Variants in AHSG observed in about 807,000 individuals in gnomAD.
The protein encoded by AHSG is alpha 2-HS glycoprotein, also known as alpha-2-HS-glycoprotein.
Under a neutral mutation model 30.1 loss-of-function variants are expected in AHSG, and 23 were observed. The observed-to-expected ratio is 0.76, with a 90% confidence interval of 0.55 to 1.08. AHSG has a LOEUF of 1.08. Among genes scored for constraint, AHSG ranks in the 50% least tolerant of loss-of-function variants. The pLI is 0.00. For missense variants in AHSG, 469 were observed against 459.5 expected (o/e 1.02, Z -0.19); for synonymous variants, 164 against 186.3 (o/e 0.88, Z 0.98).
At chr3:186,615,614 G>A (rs776847336) in intron 1 of AHSG, 71 bp from the exon 2 acceptor site, 9 of 1,251,796 alleles carry the variant, frequency 7.2e-6, no homozygotes, top group Non-Finnish European at 1.1e-5. Flanking sequence ...CCCAATGAGG[G>A]CGCATACCGT....
At chr3:186,620,525 G>T (rs761273186) in intron 6 of AHSG, 61 bp from the exon 7 acceptor site, 45 of 1,453,744 alleles carry the variant, frequency 3.1e-5, no homozygotes, top group Admixed American at 9.8e-5. Context: ...ACCTGGGCCT[G>T]TGGGTTGTCT....
intron 4 of AHSG, 113 bp downstream of exon 4, chr3:186,617,463 A>G: frequency 6.4e-7 from 1 of 1,567,708 alleles, no homozygotes; most frequent in Non-Finnish European, 8.7e-7. Context: ...AGCGATGAGA[A>G]AGCAAGGAGA....
At chr3:186,614,171 T>C (rs1716227937) in intron 1 of AHSG, among the ~76,000 whole-genome samples, 1 of 151,992 alleles carries the variant, frequency 6.6e-6, no homozygotes, top group Non-Finnish European at 1.5e-5. Flanking sequence ...AGTCAAGAGA[T>C]TTGGAGAGGT....
intron 6 of AHSG, 54 bp from the exon 7 acceptor site, chr3:186,620,532 G>T (rs1716448175): frequency 3.3e-6 from 5 of 1,493,232 alleles, no homozygotes; most frequent in Non-Finnish European, 4.6e-6. Context: ...CCTGTGGGTT[G>T]TCTTGCCTGG....
Position 186,620,762 on chromosome 3 carries a change from G to A in AHSG, c.936G>A (p.Ala312=), listed in dbSNP as rs150433473. 3.5e-4 allele frequency: 558 copies of A among 1,614,152 alleles called. No individual in the cohort carries two copies. Among genetic ancestry groups the A allele is most frequent in the Non-Finnish European group, 4.2e-4 (492 of 1,180,038 alleles). The change falls in exon 7 of 7, where the codon GCG becomes GCA. Residue 312 remains alanine (A), a synonymous_variant. Transcript: ENST00000411641. ...AAPPGHQLHR[A]HYDLRHTFMG... ...CTCCAGGACACCAGTTGCACCGGGC[G>A]CACTACGACCTGCGCCACACCTTCA... is the stretch of plus-strand genomic sequence containing the variant.
In AHSG at chr3:186,617,605, G is replaced by A. The variant is rs545098414; in HGVS notation, c.573+255G>A. The A allele has an allele frequency of 4.9e-6, 3 of 613,046 alleles. No individual in the cohort carries two copies. In the African/African-American group the frequency reaches 5.5e-5, roughly 11 times the overall value. 38.0% of individuals were successfully genotyped at this position (613,046 alleles called of 1,614,324 possible). A position where few individuals can be genotyped will look rare whatever the true frequency, so the allele number is the denominator to read the frequency against. ...GTCCAGCAGCCACAGCTGCCGGCAGGTACATCCCCACTCCCTCCGTTCCAG... is the reference window on the plus strand; with the variant it reads ...GTCCAGCAGCCACAGCTGCCGGCAGATACATCCCCACTCCCTCCGTTCCAG... On this transcript the variant is annotated intron_variant, in intron 4 of 6. Transcript: ENST00000411641.
At chr3:186,620,554 A>T in intron 6 of AHSG, 32 bp from the exon 7 acceptor site, 1 of 1,553,702 alleles carries the variant, frequency 6.4e-7, no homozygotes, top group African/African-American at 1.4e-5. Flanking sequence ...AGGAGGAAGC[A>T]AACTAACTGA....
chr3:186,617,595 C>G, intron 4 of AHSG: 1 of 661,512 alleles, frequency 1.5e-6, no homozygotes, highest in Non-Finnish European at 2.5e-6. Flanking sequence ...GCAGCCACAG[C>G]TGCCGGCAGG....
intron 2 of AHSG, among the ~76,000 whole-genome samples, chr3:186,616,219 A>T (rs1342589097): frequency 6.6e-6 from 1 of 152,178 alleles, no homozygotes; most frequent in Admixed American, 6.5e-5. Flanking sequence ...AATAATAATC[A>T]TCATCATAAA....
chr3:186,617,459 G>A (rs144616056), intron 4 of AHSG, 109 bp downstream of exon 4: 20,286 of 1,577,416 alleles, frequency 0.013, 181 homozygotes, highest in Non-Finnish European at 0.015. Flanking sequence ...GGGCAGCGAT[G>A]AGAAAGCAAG....
chr3:186,615,833 C>A, intron 2 of AHSG, 38 bp downstream of exon 2: 1 of 1,549,564 alleles, frequency 6.5e-7, no homozygotes, highest in Non-Finnish European at 8.9e-7. Flanking sequence ...GGTGGCCCTT[C>A]GGCCAGCTCC....
rs770113523 is a variant in AHSG, at chr3:186,617,302, C to T, written c.525C>T (p.Asn175=). 1 of 1,614,116 alleles carries T rather than the reference C, an allele frequency of 6.2e-7. No homozygotes were observed. Among genetic ancestry groups the T allele is most frequent in the Non-Finnish European group, 8.5e-7 (1 of 1,180,050 alleles). The change falls in exon 4 of 7, where the codon AAC becomes AAT. Residue 175 remains asparagine, a synonymous_variant. Coordinates refer to ENST00000411641, the MANE Select transcript of AHSG (RefSeq NM_001622.4). The stretch of plus-strand genomic sequence containing the variant: ...CCCTGGCCGCCTTCAACGCTCAGAA[C>T]AACGGCTCCAATTTTCAGCTGGAGG... The part of the protein sequence containing the change: ...KAALAAFNAQ[N]NGSNFQLEEI...
At chr3:186,619,195 G>A (rs1161950200) in intron 5 of AHSG, among the ~76,000 whole-genome samples, 2 of 152,166 alleles carry the variant, frequency 1.3e-5, no homozygotes. Context: ...TACTCGGGAG[G>A]CTGAGGCAGG....
chr3:186,614,107 G>A (rs563118059), intron 1 of AHSG, among the ~76,000 whole-genome samples: 10 of 152,278 alleles, frequency 6.6e-5, no homozygotes, highest in African/African-American at 2.4e-4. Flanking sequence ...GGAAACCAAC[G>A]CAGCTTGAAG....
At chr3:186,616,369 G>A in intron 2 of AHSG, 74 bp from the exon 3 acceptor site, 1 of 1,195,364 alleles carries the variant, frequency 8.4e-7, no homozygotes, top group Non-Finnish European at 1.2e-6. Context: ...ACCTTTGACA[G>A]CCGTGCCTGG....
In AHSG at chr3:186,619,838, C is replaced by G; in HGVS notation, c.676-19C>G. ...ATTTTTGAAATTAGTTAAAATAAATCCTCTTTCTCTGTGGGCAGCAATATG... is the reference window on the plus strand; with the variant it reads ...ATTTTTGAAATTAGTTAAAATAAATGCTCTTTCTCTGTGGGCAGCAATATG... On this transcript the variant is annotated intron_variant, in intron 5 of 6. Coordinates refer to ENST00000411641, the MANE Select transcript of AHSG (RefSeq NM_001622.4). The G allele has an allele frequency of 6.3e-7, 1 of 1,588,940 alleles. No individual in the cohort carries two copies. Among genetic ancestry groups the G allele is most frequent in the Non-Finnish European group, 8.5e-7 (1 of 1,169,914 alleles).
chr3:186,619,801 T>TG (rs1553853297), intron 5 of AHSG, 56 bp from the exon 6 acceptor site: 19 of 1,443,066 alleles, frequency 1.3e-5, no homozygotes, highest in South Asian at 2.4e-5. Flanking sequence ...TCAATGAAAT[T>TG]GGGGGGGATC....
At chr3:186,618,051 C>G (rs1292087161) in intron 4 of AHSG, 1 of 158,572 alleles carries the variant, frequency 6.3e-6, no homozygotes, top group Non-Finnish European at 1.4e-5. Context: ...AAAAGAAAAG[C>G]TCAAGTGATA....
In AHSG at chr3:186,617,183, G is replaced by A; in HGVS notation, c.410-4G>A. The A allele has an allele frequency of 1.9e-6, 3 of 1,607,582 alleles. No individual in the cohort carries two copies. Among genetic ancestry groups the A allele is most frequent in the Non-Finnish European group, 2.5e-6 (3 of 1,176,736 alleles). On this transcript the variant is annotated splice_polypyrimidine_tract_variant and splice_region_variant and intron_variant, in intron 3 of 6. Transcript: ENST00000411641. Reference sequence around the variant, plus strand: ...CCACATCCTGGTTTCCTCTCTCCGAGCAGACTCAGCCGAGGACGTGCGCAA... The same window carrying A: ...CCACATCCTGGTTTCCTCTCTCCGAACAGACTCAGCCGAGGACGTGCGCAA...
Sources: allele counts gnomAD v4.1 joint callset (sites outside exome capture counted in the v4.1 genomes callset), GRCh38; gene constraint gnomAD v4.1.1; transcripts MANE v1.5; gene names NCBI Gene and HGNC (gene_info 2026-07-23, HGNC 2026-07-21).